The following HTR2A variants were observed in gnomAD, a reference collection of about 807,000 sequenced individuals.
HTR2A encodes the protein 5-HT2 receptor.
In HTR2A, 14 loss-of-function variants were observed where a neutral mutation model predicts 31.0. The ratio of observed to expected loss-of-function variants is 0.45; its 90% CI spans 0.30 to 0.71. The LOEUF (loss-of-function observed/expected upper bound fraction) is 0.71, where lower values mean the gene tolerates loss of function less well. Ranked by LOEUF, HTR2A falls within the 30% of genes least tolerant of loss-of-function variation. The pLI, the probability that HTR2A is intolerant of heterozygous loss-of-function variation, is 0.09. For synonymous variants in HTR2A, 209 were observed against 225.2 expected (o/e 0.93, Z 0.64); for missense variants, 442 against 573.3 (o/e 0.77, Z 2.34).
chr13:46,835,562 C>G lies in HTR2A; in HGVS notation c.691G>C (p.Asp231His). 6.2e-7 allele frequency: 1 copy of G among 1,614,006 alleles called. No homozygotes were observed. The highest frequency in any genetic ancestry group is 8.5e-7 in the Non-Finnish European group (1 of 1,179,934). Reference protein sequence around the residue: ...VFKEGSCLLADDNFVLIGSFV... With the variant: ...VFKEGSCLLAHDNFVLIGSFV... ...GAGCCGATCAGGACAAAGTTATCATCGGCGAGTAAGCAACTCCCCTCCTTA... is the reference window on the plus strand; with the variant it reads ...GAGCCGATCAGGACAAAGTTATCATGGGCGAGTAAGCAACTCCCCTCCTTA... The change falls in exon 4 of 4, where the codon GAT becomes CAT. Residue 231 changes from aspartate to histidine, a missense_variant. Asp to His is a moderately conservative substitution (Grantham distance 81, BLOSUM62 -1). Around this residue, in one of 5 missense-constraint regions of HTR2A, gnomAD observed 174 missense variants for 195.1 expected, o/e 0.89. Coordinates refer to ENST00000542664, the MANE Select transcript of HTR2A (RefSeq NM_000621.5).
intron 3 of HTR2A, among the ~76,000 whole-genome samples, chr13:46,848,569 T>C (rs1950660582): frequency 1.2e-4 from 18 of 152,200 alleles, no homozygotes; most frequent in Admixed American, 1.2e-3. Context: ...GCACATTTCA[T>C]CCTCACGAGG....
At chr13:46,843,572 T>C (rs1253785597) in intron 3 of HTR2A, among the ~76,000 whole-genome samples, 1 of 152,078 alleles carries the variant, frequency 6.6e-6, no homozygotes, top group Non-Finnish European at 1.5e-5. Flanking sequence ...AGGGAAGACA[T>C]ACAAGATTGC....
At chr13:46,893,208 A>G (rs1340845740) in intron 2 of HTR2A, among the ~76,000 whole-genome samples, 2 of 152,172 alleles carry the variant, frequency 1.3e-5, no homozygotes, top group Non-Finnish European at 2.9e-5. Flanking sequence ...AGCTGAAGAC[A>G]AGGGTGAAGA....
chr13:46,842,642 C>T (rs1217843228), intron 3 of HTR2A, among the ~76,000 whole-genome samples: 5 of 152,202 alleles, frequency 3.3e-5, no homozygotes, highest in Non-Finnish European at 5.9e-5. Flanking sequence ...GCCCACCCTA[C>T]AGGGTCTTTG....
intron 3 of HTR2A, among the ~76,000 whole-genome samples, chr13:46,838,113 A>G (rs1950574029): frequency 6.6e-6 from 1 of 152,228 alleles, no homozygotes; most frequent in Non-Finnish European, 1.5e-5. Context: ...AAGTAAGGGC[A>G]TGATTTCTAA....
chr13:46,858,240 T>C (rs192555100), intron 3 of HTR2A, among the ~76,000 whole-genome samples: 16 of 152,154 alleles, frequency 1.1e-4, no homozygotes, highest in Admixed American at 9.8e-4. Context: ...ACATAAAGTA[T>C]AGCCAAGCAG....
intron 3 of HTR2A, among the ~76,000 whole-genome samples, chr13:46,865,799 A>C (rs1950814293): frequency 6.6e-6 from 1 of 152,244 alleles, no homozygotes; most frequent in African/African-American, 2.4e-5. Context: ...GGGGTCATTT[A>C]CTTAAATATT....
rs35990864 is a variant in HTR2A at position 46,890,065 on chromosome 13, TG to T, written c.613+2324del. 3.1e-3 allele frequency among the ~76,000 whole-genome samples: 468 copies of T among 152,332 alleles called. 3 individuals carry two copies. The highest frequency in any genetic ancestry group is 0.011 in the African/African-American group (444 of 41,580). On this transcript the variant is annotated intron_variant, in intron 3 of 3. Transcript: ENST00000542664. Reference sequence around the variant, plus strand: ...TGCACATTACAAGACTGGTCAAATGTGGGGGCAGTGGCTCATGACTGTAATC... The same window carrying T: ...TGCACATTACAAGACTGGTCAAATGTGGGGCAGTGGCTCATGACTGTAATC...
chr13:46,850,881 T>C (rs1308612591), intron 3 of HTR2A, among the ~76,000 whole-genome samples: 1 of 152,254 alleles, frequency 6.6e-6, no homozygotes, highest in East Asian at 1.9e-4. Flanking sequence ...CAATTTTCTC[T>C]GCTATTTCTT....
At chr13:46,888,244 C>T (rs1433811962) in intron 3 of HTR2A, among the ~76,000 whole-genome samples, 1 of 152,068 alleles carries the variant, frequency 6.6e-6, no homozygotes, top group Non-Finnish European at 1.5e-5. Flanking sequence ...TGGCCAAAGT[C>T]ACAAGTTTAA....
intron 2 of HTR2A, among the ~76,000 whole-genome samples, chr13:46,894,820 C>T (rs1951088844): frequency 6.6e-6 from 1 of 152,220 alleles, no homozygotes; most frequent in Admixed American, 6.5e-5. Context: ...TTCCCACCCT[C>T]CTCCAAACCA....
At chr13:46,844,529 A>T (rs1950624773) in intron 3 of HTR2A, among the ~76,000 whole-genome samples, 1 of 152,200 alleles carries the variant, frequency 6.6e-6, no homozygotes, top group Admixed American at 6.5e-5. Flanking sequence ...CCACCTTAAC[A>T]GCTAAAATCA....
intron 3 of HTR2A, among the ~76,000 whole-genome samples, chr13:46,884,156 T>A (rs886156685): frequency 3.3e-5 from 5 of 152,206 alleles, no homozygotes; most frequent in Non-Finnish European, 7.4e-5. Flanking sequence ...AATAAAAATA[T>A]TTGTGACAGG....
intron 3 of HTR2A, among the ~76,000 whole-genome samples, chr13:46,886,349 T>TGAAAC (rs61235386): frequency 6.6e-6 from 1 of 151,626 alleles, no homozygotes; most frequent in Non-Finnish European, 1.5e-5. Flanking sequence ...AGTCAGTAAA[T>TGAAAC]AGTTCATTTA....
At position 46,835,541 on chromosome 13, in the gene HTR2A, C is replaced by T. The variant is rs2138337424; in HGVS notation, c.712G>A (p.Gly238Ser). The T allele has an allele frequency of 1.9e-6, 3 of 1,613,966 alleles. No individual in the cohort carries two copies. Among genetic ancestry groups the T allele is most frequent in the East Asian group, 2.2e-5 (1 of 44,880 alleles). ...LLADDNFVLIGSFVSFFIPLT... is the reference protein window; with the variant it reads ...LLADDNFVLISSFVSFFIPLT... ...GGAATGAAAAATGACACAAAAGAGCCGATCAGGACAAAGTTATCATCGGCG... is the reference window on the plus strand; with the variant it reads ...GGAATGAAAAATGACACAAAAGAGCTGATCAGGACAAAGTTATCATCGGCG... Residue 238 changes from glycine (G) to serine (S), a missense_variant, in exon 4 of 4, where the codon GGC becomes AGC. Around this residue, in one of 5 missense-constraint regions of HTR2A, gnomAD observed 174 missense variants for 195.1 expected, o/e 0.89. Transcript: ENST00000542664.
Position 46,895,986 on chromosome 13 carries a change from A to G in HTR2A, c.-80T>C. 1.3e-6 allele frequency: 2 copies of G among 1,520,660 alleles called. No homozygotes were observed. Among genetic ancestry groups the G allele is most frequent in the Non-Finnish European group, 1.8e-6 (2 of 1,140,802 alleles). 94.2% of individuals were successfully genotyped at this position (1,520,660 alleles called of 1,614,324 possible). A position where few individuals can be genotyped will look rare whatever the true frequency, so the allele number is the denominator to read the frequency against. ...TTCTGCTCACCATTCACCTTGATGT[A>G]CCCACACTCTGTAACACTGAGGCTG... On this transcript the variant is annotated 5_prime_UTR_variant, in exon 2 of 4. Transcript: ENST00000542664. The surrounding 1 kb of genome is among the most constrained non-coding windows in gnomAD (Gnocchi z 4.4).
intron 3 of HTR2A, among the ~76,000 whole-genome samples, chr13:46,864,187 G>C (rs1398544417): frequency 6.6e-6 from 1 of 152,092 alleles, no homozygotes; most frequent in Admixed American, 6.6e-5. Context: ...ATATAAGTGG[G>C]AGCTAAATGA....
intron 3 of HTR2A, among the ~76,000 whole-genome samples, chr13:46,860,942 TC>T (rs567689314): frequency 6.6e-6 from 1 of 152,104 alleles, no homozygotes; most frequent in Non-Finnish European, 1.5e-5. Flanking sequence ...AATGAATGGC[TC>T]CCAGGCAGAA....
chr13:46,893,927 G>A (rs186600115), intron 2 of HTR2A, among the ~76,000 whole-genome samples: 21 of 152,330 alleles, frequency 1.4e-4, no homozygotes, highest in African/African-American at 5.1e-4. Context: ...GTAGGTACAA[G>A]CCTAATTTAC....
Sources: allele counts gnomAD v4.1 joint callset (sites outside exome capture counted in the v4.1 genomes callset), GRCh38; gene constraint gnomAD v4.1.1; regional missense constraint gnomAD v4.1.1; non-coding constraint Gnocchi (gnomAD v3.1); transcripts MANE v1.5; gene names NCBI Gene and HGNC (gene_info 2026-07-23, HGNC 2026-07-21).